The following CEBPZOS variants were observed in gnomAD, a reference collection of about 807,000 sequenced individuals.
CEBPZOS encodes protein CEBPZOS.
In CEBPZOS, 10 loss-of-function variants were observed where a neutral mutation model predicts 4.8. That is an observed-to-expected ratio of 2.07 (90% CI 1.28 to 3.52). The LOEUF is 3.52. CEBPZOS is among the 30% of genes most tolerant of loss of function. The pLI, the probability that CEBPZOS is intolerant of heterozygous loss-of-function variation, is 0.00. For missense variants in CEBPZOS, 98 were observed against 43.6 expected, an observed-to-expected ratio of 2.25 and a Z score of -3.51; for synonymous variants, 25 against 14.2, an observed-to-expected ratio of 1.77 and a Z score of -1.72.
rs1023027630 is a variant in CEBPZOS at position 37,202,605 on chromosome 2, A to C, written c.*745A>C. On this transcript the variant is annotated 3_prime_UTR_variant, in exon 5 of 5. Coordinates refer to ENST00000402297, the MANE Select transcript of CEBPZOS (RefSeq NM_001322374.2). ...GGTTGCAGTGAGCCAAGATCATGCC[A>C]CTGCATTCCAACCTGGGCAAGGGAG... is the stretch of plus-strand genomic sequence containing the variant. 2.3e-6 allele frequency: 1 copy of C among 438,442 alleles called. No individual in the cohort carries two copies. The highest frequency in any genetic ancestry group is 4.0e-6 in the Non-Finnish European group (1 of 253,108). 27.2% of individuals were successfully genotyped at this position (438,442 alleles called of 1,614,324 possible). A position where few individuals can be genotyped will look rare whatever the true frequency, so the allele number is the denominator to read the frequency against.
rs928397558 is a variant in CEBPZOS, at chr2:37,203,636, G to A, written c.*1776G>A. The A allele has an allele frequency of 6.6e-6, 1 of 152,134 alleles. No individual in the cohort carries two copies. The highest frequency in any genetic ancestry group is 2.4e-5 in the African/African-American group (1 of 41,430). The allele number at this position is 152,134 out of a possible 1,614,324, so 9.4% of individuals were successfully genotyped here. On this transcript the variant is annotated 3_prime_UTR_variant, in exon 5 of 5. Transcript: ENST00000402297. Reference sequence around the variant, plus strand: ...GTTTTAAGTGTATTAACGCATTTTGGTAAATTTACAGACTTGTTCAACCAC... The same window carrying A: ...GTTTTAAGTGTATTAACGCATTTTGATAAATTTACAGACTTGTTCAACCAC...
At chr2:37,207,558 T>C (rs188108912), downstream of CEBPZOS, among the ~76,000 whole-genome samples, 7 of 152,340 alleles carry the variant, frequency 4.6e-5, no homozygotes, top group East Asian at 1.4e-3. Flanking sequence ...GAATGATCTT[T>C]GTGTCAACAA....
At chr2:37,199,498 CTT>C (rs1677107195) in intron 1 of CEBPZOS, among the ~76,000 whole-genome samples, 1 of 152,180 alleles carries the variant, frequency 6.6e-6, no homozygotes, top group African/African-American at 2.4e-5. Flanking sequence ...CCAATTTTGT[CTT>C]TGGTTCATCA....
At chr2:37,212,016 C>T in intron 4 of CEBPZOS, 1 of 1,585,588 alleles carries the variant, frequency 6.3e-7, no homozygotes, top group East Asian at 2.2e-5. Context: ...ATCCTTAGCT[C>T]CTTTTGTTCT....
chr2:37,205,061 G>A (rs1165923122), downstream of CEBPZOS, among the ~76,000 whole-genome samples: 1 of 152,168 alleles, frequency 6.6e-6, no homozygotes. Flanking sequence ...ATACTCAAGG[G>A]AAGACAAAAT....
chr2:37,198,775 C>G (rs972715660), intron 1 of CEBPZOS: 8 of 152,178 alleles, frequency 5.3e-5, no homozygotes, highest in Admixed American at 3.3e-4. Flanking sequence ...CAATCAAGAT[C>G]TAACCGGTCT....
Position 37,201,892 on chromosome 2 carries a change from G to C in CEBPZOS, c.*32G>C. On this transcript the variant is annotated 3_prime_UTR_variant, in exon 5 of 5. Coordinates refer to ENST00000402297, the MANE Select transcript of CEBPZOS (RefSeq NM_001322374.2). Reference sequence around the variant, plus strand: ...TCATCACGTTCAGCCTCCCATCTAAGCTGTTTGAGACCTTTGAGAGAAGAA... The same window carrying C: ...TCATCACGTTCAGCCTCCCATCTAACCTGTTTGAGACCTTTGAGAGAAGAA... The C allele has an allele frequency of 6.2e-7, 1 of 1,613,280 alleles. No homozygotes were observed. Among genetic ancestry groups the C allele is most frequent in the Non-Finnish European group, 8.5e-7 (1 of 1,179,802 alleles).
downstream of CEBPZOS, among the ~76,000 whole-genome samples, chr2:37,205,407 A>G (rs1289883981): frequency 6.6e-6 from 1 of 152,264 alleles, no homozygotes; most frequent in Non-Finnish European, 1.5e-5. Flanking sequence ...TCCTGGCTCA[A>G]AAGCTCCCCT....
downstream of CEBPZOS, chr2:37,213,908 T>C: frequency 6.3e-7 from 1 of 1,599,826 alleles, no homozygotes. Flanking sequence ...TTCTATACTT[T>C]CTTCATCTGC....
chr2:37,199,442 C>G (rs901184263), intron 1 of CEBPZOS, among the ~76,000 whole-genome samples: 1 of 152,120 alleles, frequency 6.6e-6, no homozygotes. Flanking sequence ...GTAAATTGTT[C>G]TTTTTACAAC....
chr2:37,203,561 A>G lies in CEBPZOS; in HGVS notation c.*1701A>G, dbSNP rs1677389373. 6.6e-6 allele frequency: 1 copy of G among 152,252 alleles called. No individual in the cohort carries two copies. The highest frequency in any genetic ancestry group is 6.5e-5 in the Admixed American group (1 of 15,290). The allele number at this position is 152,252 out of a possible 1,614,324, so 9.4% of individuals were successfully genotyped here. ...ATATCAATGTCTCTAGCAGTAGTAG[A>G]GCCATATTTTAAAAAGAGCTTTACT... On this transcript the variant is annotated 3_prime_UTR_variant, in exon 5 of 5. Coordinates refer to ENST00000402297, the MANE Select transcript of CEBPZOS (RefSeq NM_001322374.2).
At chr2:37,207,976 G>A (rs2888444), downstream of CEBPZOS, among the ~76,000 whole-genome samples, 29,164 of 151,962 alleles carry the variant, frequency 0.19, 2,916 homozygotes, top group South Asian at 0.29. Context: ...TACTACAACC[G>A]ATACCACAGA....
downstream of CEBPZOS, chr2:37,213,843 A>C (rs746824612): frequency 2.0e-6 from 3 of 1,514,464 alleles, no homozygotes; most frequent in Non-Finnish European, 2.7e-6. Context: ...TATTTTACAA[A>C]GAGTCAACAA....
At chr2:37,199,881 G>C in intron 2 of CEBPZOS, 62 bp downstream of exon 2, 1 of 677,962 alleles carries the variant, frequency 1.5e-6, no homozygotes. Context: ...TCCATTTTAT[G>C]TGTTAAATGG....
intron 4 of CEBPZOS, among the ~76,000 whole-genome samples, chr2:37,212,879 CA>C (rs945484939): frequency 1.4e-4 from 13 of 91,066 alleles, no homozygotes; most frequent in Admixed American, 2.1e-4. Flanking sequence ...AAAAAAAAAA[CA>C]AAAAAAAAAC....
intron 2 of CEBPZOS, among the ~76,000 whole-genome samples, chr2:37,200,590 T>C (rs1437552997): frequency 6.6e-6 from 1 of 152,102 alleles, no homozygotes; most frequent in East Asian, 1.9e-4. Flanking sequence ...ATTCCAGCAC[T>C]TCGGGAGGCC....
intron 3 of CEBPZOS, 146 bp downstream of exon 3, chr2:37,201,238 A>G: frequency 1.7e-6 from 1 of 595,370 alleles, no homozygotes; most frequent in Non-Finnish European, 3.0e-6. Flanking sequence ...CATCTATTCT[A>G]GTGAGAGGAG....
rs1039772107 is a variant in CEBPZOS at position 37,199,625 on chromosome 2, A to C, written c.-1-79A>C. ...AGAAGCCATTCAAACTGTGGGAATG[A>C]ATTTGAGTTATTAGAGAAATGATAA... On this transcript the variant is annotated intron_variant, in intron 1 of 4. Coordinates refer to ENST00000402297, the MANE Select transcript of CEBPZOS (RefSeq NM_001322374.2). 3 of 670,186 alleles carry C rather than the reference A, an allele frequency of 4.5e-6. No homozygotes were observed. The African/African-American group carries it at 5.4e-5, about 12-fold the overall frequency. The allele number at this position is 670,186 out of a possible 1,614,324, so 41.5% of individuals were successfully genotyped here. A position where few individuals can be genotyped will look rare whatever the true frequency, so the allele number is the denominator to read the frequency against.
Position 37,199,181 on chromosome 2 carries a change from A to G in CEBPZOS, c.-1-523A>G, listed in dbSNP as rs1338502442. On this transcript the variant is annotated intron_variant, in intron 1 of 4. Coordinates refer to ENST00000402297, the MANE Select transcript of CEBPZOS (RefSeq NM_001322374.2). ...AGTATATGTTGTATTATTAGTATGT[A>G]TCAGTATATAGGATATCTATACTAT... 3.3e-5 allele frequency among the ~76,000 whole-genome samples: 5 copies of G among 152,034 alleles called. No individual in the cohort carries two copies. The East Asian group carries it at 7.7e-4, about 23-fold the overall frequency.
Sources: gnomAD v4.1 joint callset for allele counts (sites outside exome capture counted in the v4.1 genomes callset) on GRCh38, gnomAD v4.1.1 for gene constraint, MANE v1.5 for transcripts, NCBI Gene and HGNC (gene_info 2026-07-23, HGNC 2026-07-21) for gene names.